TMEFF2: variants seen among roughly 807,000 people sequenced by gnomAD.
TMEFF2 encodes tomoregulin-2.
In TMEFF2, 28 loss-of-function variants were observed where a neutral mutation model predicts 53.8. That is an observed-to-expected ratio of 0.52 (90% CI 0.39 to 0.71). The LOEUF (loss-of-function observed/expected upper bound fraction) is 0.71, where lower values mean the gene tolerates loss of function less well. Ranked by LOEUF, TMEFF2 falls within the 30% of genes least tolerant of loss-of-function variation. TMEFF2 has a pLI of 0.00. For synonymous variants in TMEFF2, 162 were observed against 166.3 expected (o/e 0.97, Z 0.20); for missense variants, 353 against 455.2 (o/e 0.78, Z 2.04).
At chr2:192,143,166 C>T (rs1346728663) in intron 4 of TMEFF2, among the ~76,000 whole-genome samples, 1 of 152,136 alleles carries the variant, frequency 6.6e-6, no homozygotes, top group African/African-American at 2.4e-5. Context: ...TCACCAGCCC[C>T]TACTACTCCT....
intron 5 of TMEFF2, among the ~76,000 whole-genome samples, chr2:192,002,650 T>G (rs1686396003): frequency 6.6e-6 from 1 of 151,802 alleles, no homozygotes; most frequent in Non-Finnish European, 1.5e-5. Flanking sequence ...GCCGACACGG[T>G]GAAAGGCTGA....
intron 5 of TMEFF2, among the ~76,000 whole-genome samples, chr2:192,018,940 A>G (rs1477660891): frequency 3.3e-5 from 5 of 152,034 alleles, no homozygotes; most frequent in African/African-American, 1.2e-4. Context: ...TCTAGCCACA[A>G]TCATATTAAT....
intron 7 of TMEFF2, among the ~76,000 whole-genome samples, chr2:191,969,153 GTA>G (rs1008206232): frequency 2.0e-5 from 3 of 150,898 alleles, no homozygotes; most frequent in African/African-American, 2.4e-5. Context: ...GTGTGTGTGT[GTA>G]TATATATATA....
intron 4 of TMEFF2, among the ~76,000 whole-genome samples, chr2:192,089,578 T>A (rs1454915188): frequency 6.6e-6 from 1 of 152,048 alleles, no homozygotes; most frequent in East Asian, 1.9e-4. Context: ...CATTTTTTCG[T>A]GAGAACAGCA....
chr2:192,042,162 C>T (rs553972241), intron 5 of TMEFF2, among the ~76,000 whole-genome samples: 125 of 151,958 alleles, frequency 8.2e-4, no homozygotes, highest in African/African-American at 2.8e-3. Flanking sequence ...GATCACACCA[C>T]TGAACTCCAG....
chr2:192,131,833 C>T (rs1394670075), intron 4 of TMEFF2, among the ~76,000 whole-genome samples: 2 of 152,102 alleles, frequency 1.3e-5, no homozygotes, highest in African/African-American at 2.4e-5. Context: ...AATACAAACT[C>T]GACAGTAGTT....
At chr2:191,985,272 G>T (rs1475812160) in intron 7 of TMEFF2, among the ~76,000 whole-genome samples, 1 of 152,070 alleles carries the variant, frequency 6.6e-6, no homozygotes, top group East Asian at 1.9e-4. Context: ...ATAAATTTAG[G>T]AGCTAGGTAT....
chr2:192,073,160 A>G (rs1445350777), intron 4 of TMEFF2, among the ~76,000 whole-genome samples: 1 of 151,958 alleles, frequency 6.6e-6, no homozygotes, highest in African/African-American at 2.4e-5. Context: ...TGTGCAAATA[A>G]ATGAAAAAAA....
intron 4 of TMEFF2, among the ~76,000 whole-genome samples, chr2:192,162,585 G>C (rs1053776255): frequency 6.6e-6 from 1 of 151,776 alleles, no homozygotes; most frequent in East Asian, 1.9e-4. Context: ...TTTACTTTTC[G>C]CCAACCCACA....
chr2:192,173,065 G>C (rs1280991335), intron 4 of TMEFF2, among the ~76,000 whole-genome samples: 3 of 151,884 alleles, frequency 2.0e-5, no homozygotes, highest in African/African-American at 7.2e-5. Context: ...ATAAGATCTA[G>C]TGTTTGGTAG....
intron 5 of TMEFF2, among the ~76,000 whole-genome samples, chr2:192,038,509 T>C (rs1687388133): frequency 6.6e-6 from 1 of 152,138 alleles, no homozygotes; most frequent in Admixed American, 6.5e-5. Context: ...ACACTGCTCT[T>C]TTCTTTCTTT....
intron 3 of TMEFF2, among the ~76,000 whole-genome samples, chr2:192,181,508 G>C (rs1032376565): frequency 6.6e-6 from 1 of 151,742 alleles, no homozygotes; most frequent in African/African-American, 2.4e-5. Context: ...TTGCATGACA[G>C]AGAAATGTTA....
At chr2:191,970,877 C>T (rs551187211) in intron 7 of TMEFF2, among the ~76,000 whole-genome samples, 2 of 152,264 alleles carry the variant, frequency 1.3e-5, no homozygotes, top group South Asian at 2.1e-4. Flanking sequence ...AATTATTAAT[C>T]GTGTACTGTT....
intron 4 of TMEFF2, among the ~76,000 whole-genome samples, chr2:192,114,389 A>G (rs373010642): frequency 2.0e-5 from 3 of 151,974 alleles, no homozygotes; most frequent in East Asian, 3.9e-4. Flanking sequence ...ATAAGGAAGA[A>G]GACAAGGATG....
chr2:191,972,135 T>C (rs917774918), intron 7 of TMEFF2, among the ~76,000 whole-genome samples: 4 of 115,948 alleles, frequency 3.4e-5, no homozygotes, highest in African/African-American at 1.3e-4. Flanking sequence ...AAGTATTGCG[T>C]TAGTGTTTTT....
chr2:192,049,169 G>GTGTGTGTA (rs1176895824), intron 5 of TMEFF2, among the ~76,000 whole-genome samples: 2 of 152,016 alleles, frequency 1.3e-5, no homozygotes, highest in Admixed American at 6.6e-5. Context: ...GTGTGTGTGT[G>GTGTGTGTA]TGTGCATACT....
At chr2:192,048,358 T>C (rs1687675232) in intron 5 of TMEFF2, among the ~76,000 whole-genome samples, 3 of 66,156 alleles carry the variant, frequency 4.5e-5, no homozygotes, top group Admixed American at 3.0e-4. Context: ...TAGATTCTCA[T>C]AAAACACACA....
chr2:191,969,534 CA>C (rs1574253828), intron 7 of TMEFF2, among the ~76,000 whole-genome samples: 1 of 151,976 alleles, frequency 6.6e-6, no homozygotes, highest in East Asian at 1.9e-4. Flanking sequence ...ATATGCAGAG[CA>C]AAAATGTGTT....
At chr2:192,183,687 A>C (rs1009873544) in intron 3 of TMEFF2, among the ~76,000 whole-genome samples, 28 of 152,034 alleles carry the variant, frequency 1.8e-4, no homozygotes, top group Admixed American at 1.7e-3. Flanking sequence ...AAGCTCTAAC[A>C]ACCACTGTAG....
Sources: allele counts gnomAD v4.1 joint callset (sites outside exome capture counted in the v4.1 genomes callset), GRCh38; gene constraint gnomAD v4.1.1; transcripts MANE v1.5; gene names NCBI Gene and HGNC (gene_info 2026-07-23, HGNC 2026-07-21).